Variants in SVEP1 observed in about 807,000 individuals in gnomAD.
SVEP1 encodes sushi, von Willebrand factor type A, EGF and pentraxin domain-containing protein 1.
Under a neutral mutation model 367.3 loss-of-function variants are expected in SVEP1, and 164 were observed. The observed-to-expected ratio is 0.45, with a 90% CI of 0.39 to 0.51. SVEP1 has a LOEUF of 0.51. SVEP1 is among the 20% of genes least tolerant of loss of function. The probability of loss-of-function intolerance (pLI) is 0.00; values close to 1 mark genes in which losing one functional copy is unlikely to be tolerated. For missense variants in SVEP1, 4,117 were observed against 4,425.3 expected (o/e 0.93, Z 1.98); for synonymous variants, 1,666 against 1,611.6 (o/e 1.03, Z -0.81).
chr9:110,579,418 G>T lies in SVEP1; in HGVS notation c.126C>A (p.Ala42=), dbSNP rs1201617976. 6.3e-7 allele frequency: 1 copy of T among 1,582,356 alleles called. No individual in the cohort carries two copies. Among genetic ancestry groups the T allele is most frequent in the South Asian group, 1.1e-5 (1 of 87,176 alleles). The part of the protein sequence containing the change: ...FRLFPETAPG[A]PGSIPAPPAP... The stretch of plus-strand genomic sequence containing the variant: ...CGGGCGGCGCGGGGATACTCCCGGG[G>T]GCCCCGGGCGCGGTCTCGGGGAAGA... Residue 42 remains alanine, a synonymous_variant, in exon 1 of 48, where the codon GCC becomes GCA. Coordinates refer to ENST00000374469, the MANE Select transcript of SVEP1 (RefSeq NM_153366.4). The surrounding 1 kb of genome is among the most constrained non-coding windows in gnomAD (Gnocchi z 5.3).
Position 110,458,950 on chromosome 9 carries a change from A to T in SVEP1, c.3484+2T>A. On this transcript the variant is annotated splice_donor_variant, in intron 19 of 47. Coordinates refer to ENST00000374469, the MANE Select transcript of SVEP1 (RefSeq NM_153366.4). LOFTEE classifies it high-confidence loss of function. The stretch of plus-strand genomic sequence containing the variant: ...TTACATAAGAAATGAAGTTCATCTT[A>T]CTTGAACATTCTGTGATGGATCTGG... The T allele has an allele frequency of 6.2e-7, 1 of 1,611,360 alleles. No individual in the cohort carries two copies. Among genetic ancestry groups the T allele is most frequent in the South Asian group, 1.1e-5 (1 of 90,884 alleles).
intron 8 of SVEP1, among the ~76,000 whole-genome samples, chr9:110,492,332 T>C (rs1414282335): frequency 6.6e-6 from 1 of 152,024 alleles, no homozygotes; most frequent in African/African-American, 2.4e-5. Context: ...TATTAATTAA[T>C]CTATAATAAA....
In SVEP1 at chr9:110,502,208, T is replaced by G. The variant is rs1829544525; in HGVS notation, c.1483+830A>C. ...ACCTCTGCCTCCTGGGTTCAAGAGA[T>G]TCTCCTGTCTCAGCCTCCTGAGTAG... On this transcript the variant is annotated intron_variant, in intron 6 of 47. Transcript: ENST00000374469. Among the ~76,000 whole-genome samples the G allele has an allele frequency of 2.0e-5, 3 of 151,420 alleles. No individual in the cohort carries two copies. In the Admixed American group the frequency reaches 2.0e-4, roughly 10 times the overall value.
In SVEP1 at chr9:110,406,953, T is replaced by C. The variant is rs776802230; in HGVS notation, c.8647A>G (p.Thr2883Ala). The change falls in exon 38 of 48, where the codon ACT becomes GCT. Residue 2883 changes from threonine (T) to alanine (A), a missense_variant. Coordinates refer to ENST00000374469, the MANE Select transcript of SVEP1 (RefSeq NM_153366.4). ...CLANGSWSGA[T>A]PDCVPVRCAT... ...CATCTGACAGGCACACAGTCGGGAG[T>C]GGCTCCACTCCAACTTCCATTGGCA... 1.2e-6 allele frequency: 2 copies of C among 1,613,472 alleles called. No individual in the cohort carries two copies. Among genetic ancestry groups the C allele is most frequent in the Non-Finnish European group, 1.7e-6 (2 of 1,179,816 alleles).
intron 3 of SVEP1, among the ~76,000 whole-genome samples, chr9:110,537,693 A>T (rs1830095011): frequency 6.6e-6 from 1 of 151,986 alleles, no homozygotes; most frequent in Non-Finnish European, 1.5e-5. Context: ...ATTTGCTATA[A>T]TATTTAGATT....
intron 5 of SVEP1, among the ~76,000 whole-genome samples, chr9:110,510,671 G>A (rs1829696178): frequency 6.6e-6 from 1 of 152,162 alleles, no homozygotes; most frequent in Admixed American, 6.5e-5. Flanking sequence ...AGAGGCAGGG[G>A]CCAGACCTTA....
intron 36 of SVEP1, among the ~76,000 whole-genome samples, chr9:110,424,456 A>G (rs1448733845): frequency 6.6e-6 from 1 of 152,214 alleles, no homozygotes; most frequent in Non-Finnish European, 1.5e-5. Flanking sequence ...ATATTTGTTT[A>G]TGGGGGAATA....
chr9:110,413,697 T>C (rs1364357808), intron 36 of SVEP1, among the ~76,000 whole-genome samples: 1 of 151,976 alleles, frequency 6.6e-6, no homozygotes, highest in East Asian at 1.9e-4. Flanking sequence ...AAAATTACTC[T>C]CAAGTGTTCT....
intron 8 of SVEP1, among the ~76,000 whole-genome samples, chr9:110,494,115 G>C (rs1436991663): frequency 6.6e-6 from 1 of 152,202 alleles, no homozygotes; most frequent in Non-Finnish European, 1.5e-5. Context: ...CCATCTCACA[G>C]TCCTTACTTT....
intron 12 of SVEP1, among the ~76,000 whole-genome samples, chr9:110,480,819 TG>T (rs139735235): frequency 0.028 from 4,212 of 151,800 alleles, 185 homozygotes; most frequent in African/African-American, 0.097. Flanking sequence ...TTAATATTTT[TG>T]TAGAGATGGT....
chr9:110,532,442 G>A (rs1159167313), intron 3 of SVEP1, among the ~76,000 whole-genome samples: 1 of 152,072 alleles, frequency 6.6e-6, no homozygotes, highest in Non-Finnish European at 1.5e-5. Context: ...GACACACAAG[G>A]CATGAGGGTA....
At chr9:110,455,434 T>C (rs1564147720) in intron 22 of SVEP1, among the ~76,000 whole-genome samples, 156 bp downstream of exon 22, 1 of 152,226 alleles carries the variant, frequency 6.6e-6, no homozygotes, top group Non-Finnish European at 1.5e-5. Flanking sequence ...AAGAACACTT[T>C]CCCAATGCAA....
intron 1 of SVEP1, among the ~76,000 whole-genome samples, chr9:110,560,339 C>A (rs137936854): frequency 1.3e-5 from 2 of 152,218 alleles, no homozygotes; most frequent in Admixed American, 6.5e-5. Context: ...CCTAATGATG[C>A]TTTTCTCAGA....
At chr9:110,526,946 C>T (rs1829946429) in intron 3 of SVEP1, among the ~76,000 whole-genome samples, 1 of 152,004 alleles carries the variant, frequency 6.6e-6, no homozygotes, top group Non-Finnish European at 1.5e-5. Context: ...TTCTGCATGG[C>T]TCCATTTATA....
chr9:110,555,682 A>T (rs1388132390), intron 1 of SVEP1, among the ~76,000 whole-genome samples: 1 of 152,190 alleles, frequency 6.6e-6, no homozygotes, highest in African/African-American at 2.4e-5. Context: ...TGTTGGCAAG[A>T]CAATATATTA....
rs1829318560 is a variant in SVEP1, at chr9:110,488,432, A to G, written c.1930+1218T>C. On this transcript the variant is annotated intron_variant, in intron 9 of 47. Transcript: ENST00000374469. ...TAGAGAAGATCAGCATTTGAGAATT[A>G]GCCTGAGGAAGAGAAGCCTACAAAA... Among the ~76,000 whole-genome samples the G allele has an allele frequency of 2.0e-5, 3 of 152,176 alleles. 1 individual carries two copies. Among genetic ancestry groups the G allele is most frequent in the Admixed American group, 2.0e-4 (3 of 15,276 alleles).
At position 110,479,762 on chromosome 9, in the gene SVEP1, A is replaced by C; in HGVS notation, c.2366-6T>G. 3.1e-6 allele frequency: 5 copies of C among 1,599,616 alleles called. No homozygotes were observed. Among genetic ancestry groups the C allele is most frequent in the Non-Finnish European group, 4.3e-6 (5 of 1,175,832 alleles). On this transcript the variant is annotated splice_region_variant and splice_polypyrimidine_tract_variant and intron_variant, in intron 12 of 47. Transcript: ENST00000374469. ...GTGGTTTGCAAAACGTTTTTCTAGA[A>C]AATGTTGGACAAAACAGCTTCAGTT...
intron 36 of SVEP1, 60 bp downstream of exon 36, chr9:110,427,531 A>G: frequency 9.0e-6 from 14 of 1,557,782 alleles, no homozygotes; most frequent in Non-Finnish European, 1.2e-5. Context: ...CCATCTCTGC[A>G]GTCAGGAGCA....
Position 110,414,522 on chromosome 9 carries a change from T to C in SVEP1, c.5976-2787A>G, listed in dbSNP as rs75306943. Among the ~76,000 whole-genome samples, 995 of 152,170 alleles carry C rather than the reference T, an allele frequency of 6.5e-3. 24 individuals are homozygous for C. The highest frequency in any genetic ancestry group is 0.023 in the African/African-American group (944 of 41,418). On this transcript the variant is annotated intron_variant, in intron 36 of 47. Coordinates refer to ENST00000374469, the MANE Select transcript of SVEP1 (RefSeq NM_153366.4). ...AAGATCTGAACTTAGCTTGGAATAA[T>C]AGCCTATCAATATCACAGTGATGCT...
Sources: gnomAD v4.1 joint callset for allele counts (sites outside exome capture counted in the v4.1 genomes callset) on GRCh38, gnomAD v4.1.1 for gene constraint, Gnocchi (gnomAD v3.1) non-coding constraint, MANE v1.5 for transcripts, NCBI Gene and HGNC (gene_info 2026-07-23, HGNC 2026-07-21) for gene names.